The following SCFD2 variants were observed in gnomAD, a reference collection of about 807,000 sequenced individuals.
SCFD2 encodes the protein sec1 family domain containing 2, also known as sec1 family domain-containing protein 2.
A neutral mutation model predicts 58.9 loss-of-function variants in SCFD2; 54 were observed. The ratio of observed to expected loss-of-function variants is 0.92; its 90% CI spans 0.74 to 1.15. The LOEUF (loss-of-function observed/expected upper bound fraction) is 1.15. Among genes scored for constraint, SCFD2 ranks in the 50% most tolerant of loss-of-function variants. The pLI is 0.00. For missense variants in SCFD2, 805 were observed against 836.6 expected, an observed-to-expected ratio of 0.96 and a Z score of 0.47; for synonymous variants, 321 against 335.9, an observed-to-expected ratio of 0.96 and a Z score of 0.49.
At chr4:52,915,927 C>T (rs986824602) in intron 6 of SCFD2, among the ~76,000 whole-genome samples, 13 of 152,236 alleles carry the variant, frequency 8.5e-5, no homozygotes, top group African/African-American at 3.1e-4. Context: ...AAAGCCTGTT[C>T]AGAGAGCCAC....
chr4:53,007,305 G>GGAGGGA (rs1721991087), intron 5 of SCFD2, among the ~76,000 whole-genome samples: 18 of 66,082 alleles, frequency 2.7e-4, no homozygotes, highest in South Asian at 7.7e-4. Context: ...AGAGGGAGAG[G>GGAGGGA]GAGAGAGAGA....
intron 5 of SCFD2, among the ~76,000 whole-genome samples, chr4:52,936,402 G>C (rs1720139582): frequency 1.3e-5 from 2 of 152,120 alleles, no homozygotes; most frequent in African/African-American, 4.8e-5. Context: ...TAACAGCAGA[G>C]GGGAAAAAAC....
At chr4:53,247,884 A>T (rs1449529119) in intron 4 of SCFD2, among the ~76,000 whole-genome samples, 4 of 151,130 alleles carry the variant, frequency 2.6e-5, no homozygotes, top group Admixed American at 6.6e-5. Flanking sequence ...AAAAAAAAAA[A>T]AAAAAAAAAT....
intron 5 of SCFD2, among the ~76,000 whole-genome samples, chr4:53,126,507 G>C (rs1038991260): frequency 6.6e-5 from 10 of 152,096 alleles, no homozygotes; most frequent in Non-Finnish European, 1.3e-4. Flanking sequence ...GTAGAGACAG[G>C]GTTTTGCCAT....
At chr4:52,939,719 T>C (rs1408573767) in intron 5 of SCFD2, among the ~76,000 whole-genome samples, 1 of 138,234 alleles carries the variant, frequency 7.2e-6, no homozygotes, top group Non-Finnish European at 1.5e-5. Flanking sequence ...CTCAAAGGAA[T>C]GGAAGAAAGA....
intron 5 of SCFD2, among the ~76,000 whole-genome samples, chr4:53,124,916 T>C (rs561320697): frequency 3.4e-4 from 52 of 152,296 alleles, no homozygotes; most frequent in Middle Eastern, 3.4e-3. Context: ...ATAATAACTA[T>C]ATTCTGCAAT....
At chr4:53,127,525 G>A (rs752906969) in intron 5 of SCFD2, among the ~76,000 whole-genome samples, 5 of 152,156 alleles carry the variant, frequency 3.3e-5, no homozygotes, top group Non-Finnish European at 7.4e-5. Context: ...CACACAAATA[G>A]GTAATAAACT....
intron 4 of SCFD2, among the ~76,000 whole-genome samples, chr4:53,178,969 G>A (rs1232768500): frequency 6.6e-6 from 1 of 152,112 alleles, no homozygotes; most frequent in Non-Finnish European, 1.5e-5. Context: ...AAAAAGAAAG[G>A]AACAAAGCCT....
chr4:53,363,740 G>A (rs1734615886), intron 1 of SCFD2, among the ~76,000 whole-genome samples: 1 of 150,350 alleles, frequency 6.7e-6, no homozygotes, highest in Non-Finnish European at 1.5e-5. Context: ...GGAGAATGGC[G>A]TGAACCCGGG....
In SCFD2 at chr4:53,235,210, A is replaced by T. The variant is rs540603421; in HGVS notation, c.1311+38616T>A. 2.6e-5 allele frequency among the ~76,000 whole-genome samples: 4 copies of T among 152,352 alleles called. No homozygotes were observed. In the East Asian group the frequency reaches 7.7e-4, roughly 29 times the overall value. ...AGTTGGAAGGGTAACTGGGAAGCAC[A>T]TTCATTACTTGGGGTGGCCATGTGC... On this transcript the variant is annotated intron_variant, in intron 4 of 8. Transcript: ENST00000401642.
intron 5 of SCFD2, among the ~76,000 whole-genome samples, chr4:53,048,640 T>C (rs1723104620): frequency 6.6e-6 from 1 of 152,174 alleles, no homozygotes; most frequent in Admixed American, 6.5e-5. Flanking sequence ...ACTAAGTAGG[T>C]TGAAGTGGAC....
chr4:53,164,169 C>T (rs756065383), intron 4 of SCFD2, among the ~76,000 whole-genome samples: 2 of 152,050 alleles, frequency 1.3e-5, no homozygotes, highest in Non-Finnish European at 2.9e-5. Context: ...ATTTTATTAC[C>T]TTCCCCAAAA....
At position 53,339,007 on chromosome 4, in the gene SCFD2, C is replaced by T. The variant is rs527451613; in HGVS notation, c.1007+13591G>A. On this transcript the variant is annotated intron_variant, in intron 2 of 8. Coordinates refer to ENST00000401642, the MANE Select transcript of SCFD2 (RefSeq NM_152540.4). Reference sequence around the variant, plus strand: ...AAGATTTTGTTGCAGCAGATCTACTCTAAAAGAATAGCTAAAGGAATTTCT... The same window carrying T: ...AAGATTTTGTTGCAGCAGATCTACTTTAAAAGAATAGCTAAAGGAATTTCT... Among the ~76,000 whole-genome samples, 10 of 151,924 alleles carry T rather than the reference C, an allele frequency of 6.6e-5. No homozygotes were observed. In the East Asian group the frequency reaches 1.7e-3, roughly 26 times the overall value.
intron 5 of SCFD2, among the ~76,000 whole-genome samples, chr4:52,944,535 T>C (rs1262631235): frequency 6.6e-6 from 1 of 152,198 alleles, no homozygotes; most frequent in Admixed American, 6.6e-5. Flanking sequence ...TGCAACACTG[T>C]AAAGAGATAG....
At chr4:52,909,678 G>T (rs1225168941) in intron 6 of SCFD2, among the ~76,000 whole-genome samples, 1 of 152,106 alleles carries the variant, frequency 6.6e-6, no homozygotes, top group Non-Finnish European at 1.5e-5. Flanking sequence ...GATCTCAATT[G>T]TTAAAAATTA....
chr4:53,195,879 C>G lies in SCFD2; in HGVS notation c.1312-50297G>C, dbSNP rs183359535. Among the ~76,000 whole-genome samples, 12 of 152,210 alleles carry G rather than the reference C, an allele frequency of 7.9e-5. No individual in the cohort carries two copies. The East Asian group carries it at 2.1e-3, about 27-fold the overall frequency. On this transcript the variant is annotated intron_variant, in intron 4 of 8. Coordinates refer to ENST00000401642, the MANE Select transcript of SCFD2 (RefSeq NM_152540.4). ...ATGAGAGAAAAACAGAAATCTAGCT[C>G]AAGACTTAACATCACCATATGTGAA... is the stretch of plus-strand genomic sequence containing the variant.
intron 5 of SCFD2, among the ~76,000 whole-genome samples, chr4:53,086,250 A>G (rs112183404): frequency 0.014 from 2,071 of 152,360 alleles, 26 homozygotes; most frequent in Admixed American, 0.02. Flanking sequence ...TCAAAAGAAG[A>G]CATACAAATG....
rs990572852 is a variant in SCFD2, at chr4:53,141,074, A to G, written c.1561+4259T>C. The stretch of plus-strand genomic sequence containing the variant: ...AAATCCTAAACATTGTAATCCTAAA[A>G]GTATAATTCTGGAAAAAAAATTTTT... On this transcript the variant is annotated intron_variant, in intron 5 of 8. Transcript: ENST00000401642. Among the ~76,000 whole-genome samples the G allele has an allele frequency of 5.9e-5, 9 of 152,228 alleles. 1 individual carries two copies. The highest frequency in any genetic ancestry group is 5.9e-4 in the Admixed American group (9 of 15,280).
At chr4:53,238,768 C>T (rs112110704) in intron 4 of SCFD2, among the ~76,000 whole-genome samples, 23,946 of 147,708 alleles carry the variant, frequency 0.16, 449 homozygotes, top group Non-Finnish European at 0.21. Flanking sequence ...CGATGGGCGG[C>T]CGGGCAGAGA....
Sources: allele counts gnomAD v4.1 joint callset (sites outside exome capture counted in the v4.1 genomes callset), GRCh38; gene constraint gnomAD v4.1.1; transcripts MANE v1.5; gene names NCBI Gene and HGNC (gene_info 2026-07-23, HGNC 2026-07-21).